Variants in DCHS2 observed in about 807,000 individuals in gnomAD.
The protein encoded by DCHS2 is protocadherin-23.
DCHS2 carries 142 observed loss-of-function variants against 182.4 expected under a neutral mutation model. The ratio of observed to expected loss-of-function variants is 0.78; its 90% CI spans 0.68 to 0.89. The LOEUF is 0.89. Ranked by LOEUF, DCHS2 falls within the 40% of genes least tolerant of loss-of-function variation. The pLI is 0.00. For synonymous variants in DCHS2, 1,740 were observed against 1,663.3 expected (o/e 1.05, Z -1.12); for missense variants, 4,319 against 4,198.6 (o/e 1.03, Z -0.79).
intron 10 of DCHS2, among the ~76,000 whole-genome samples, chr4:154,311,145 TAAA>T (rs2111314511): frequency 6.6e-6 from 1 of 152,330 alleles, no homozygotes; most frequent in South Asian, 2.1e-4. Context: ...CTAAAAGGGA[TAAA>T]ATTTTATCCT....
Position 154,489,416 on chromosome 4 carries a change from C to T in DCHS2, c.1940G>A (p.Cys647Tyr). ...DLGEPPLSAT[C>Y]LVSITVDDVN... is the part of the protein sequence containing the mutation. Reference sequence around the variant, plus strand: ...ATCATCTACGGTGATGCTCACCAGGCAGGTGGCAGAGAGTGGGGGCTCTCC... The same window carrying T: ...ATCATCTACGGTGATGCTCACCAGGTAGGTGGCAGAGAGTGGGGGCTCTCC... The change falls in exon 1 of 20, where the codon TGC becomes TAC. Residue 647 changes from cysteine to tyrosine, a missense_variant. By Grantham distance (194) the Cys-to-Tyr change is radical. Coordinates refer to ENST00000357232, the MANE Select transcript of DCHS2 (RefSeq NM_001358235.2). 1 of 1,551,752 alleles carries T rather than the reference C, an allele frequency of 6.4e-7. No homozygotes were observed.
At chr4:154,403,418 T>A (rs115436565) in intron 1 of DCHS2, among the ~76,000 whole-genome samples, 1 of 152,184 alleles carries the variant, frequency 6.6e-6, no homozygotes, top group Non-Finnish European at 1.5e-5. Context: ...ATTATATAAA[T>A]TTTTCTCTTT....
chr4:154,459,743 TC>T (rs1282851787), intron 1 of DCHS2, among the ~76,000 whole-genome samples: 4 of 9,598 alleles, frequency 4.2e-4, no homozygotes, highest in African/African-American at 4.9e-4. Flanking sequence ...ATTCTCTCTC[TC>T]TCTCTCTCTC....
intron 3 of DCHS2, among the ~76,000 whole-genome samples, chr4:154,365,732 C>T (rs1730319153): frequency 6.6e-6 from 1 of 152,106 alleles, no homozygotes; most frequent in African/African-American, 2.4e-5. Context: ...TCACTGCAAC[C>T]TCGGTTTCCC....
intron 3 of DCHS2, among the ~76,000 whole-genome samples, chr4:154,348,945 T>C (rs1477410047): frequency 6.6e-6 from 1 of 151,986 alleles, no homozygotes; most frequent in Non-Finnish European, 1.5e-5. Flanking sequence ...CACTTTCTCA[T>C]TACGTTTATG....
chr4:154,239,276 C>G lies in DCHS2; in HGVS notation c.7386G>C (p.Val2462=). The G allele has an allele frequency of 6.2e-7, 1 of 1,613,122 alleles. No homozygotes were observed. Among genetic ancestry groups the G allele is most frequent in the East Asian group, 2.2e-5 (1 of 44,754 alleles). ...YQVTVPESIP[V]GYSVLTLSAT... ...CTGACAGAGTCAGCACTGAATACCC[C>G]ACAGGTATTGATTCAGGAACTGTGA... is the stretch of plus-strand genomic sequence containing the variant. The change falls in exon 19 of 20, where the codon GTG becomes GTC. Residue 2462 remains valine, a synonymous_variant. Coordinates refer to ENST00000357232, the MANE Select transcript of DCHS2 (RefSeq NM_001358235.2).
intron 1 of DCHS2, among the ~76,000 whole-genome samples, chr4:154,401,063 C>G (rs1732156349): frequency 6.6e-6 from 1 of 152,204 alleles, no homozygotes; most frequent in Non-Finnish European, 1.5e-5. Flanking sequence ...TGTTCCTCCT[C>G]CCAGTCACTC....
rs1446334339 is a variant in DCHS2, at chr4:154,233,756, A to C, written c.*780T>G. ...TCTGTTTGTAAAGAAGGCCAAGATA[A>C]TATGTTTCAGGTGGTAGCAAACCAC... On this transcript the variant is annotated 3_prime_UTR_variant, in exon 20 of 20. Transcript: ENST00000357232. 6.6e-6 allele frequency: 1 copy of C among 152,164 alleles called. No homozygotes were observed. 9.4% of individuals were successfully genotyped at this position (152,164 alleles called of 1,614,324 possible).
Position 154,255,773 on chromosome 4 carries a change from C to G in DCHS2, c.6790-103G>C, listed in dbSNP as rs113119087. The G allele has an allele frequency of 3.6e-3, 5,104 of 1,400,658 alleles. 14 individuals carry two copies. The highest frequency in any genetic ancestry group is 5.4e-3 in the Admixed American group (174 of 32,018). 86.8% of individuals were successfully genotyped at this position (1,400,658 alleles called of 1,614,324 possible). A position where few individuals can be genotyped will look rare whatever the true frequency, so the allele number is the denominator to read the frequency against. The stretch of plus-strand genomic sequence containing the variant: ...TAAGAAAGAATCACAGCTTGTCAAA[C>G]ATATTTTAAAAACAACGATGAAATG... On this transcript the variant is annotated intron_variant, in intron 15 of 19. Transcript: ENST00000357232.
chr4:154,267,046 A>T (rs999270725), intron 14 of DCHS2, among the ~76,000 whole-genome samples: 25 of 152,234 alleles, frequency 1.6e-4, no homozygotes, highest in African/African-American at 5.8e-4. Flanking sequence ...AAGCCATTAA[A>T]ATCATTCATG....
At chr4:154,418,976 A>G (rs1397533678) in intron 1 of DCHS2, among the ~76,000 whole-genome samples, 4 of 152,222 alleles carry the variant, frequency 2.6e-5, no homozygotes. Context: ...TTGACATTTT[A>G]AAAGAAAAAA....
intron 1 of DCHS2, among the ~76,000 whole-genome samples, chr4:154,393,197 G>T (rs1163414466): frequency 6.6e-6 from 1 of 152,158 alleles, no homozygotes; most frequent in Non-Finnish European, 1.5e-5. Context: ...CCTAGGAAAT[G>T]TTTTCAGCCC....
intron 3 of DCHS2, among the ~76,000 whole-genome samples, chr4:154,362,897 C>T (rs1462783337): frequency 6.6e-6 from 1 of 152,064 alleles, no homozygotes; most frequent in Non-Finnish European, 1.5e-5. Context: ...GTATATAATA[C>T]ATAAAACACA....
Position 154,408,526 on chromosome 4 carries a change from G to T in DCHS2, c.2053-31082C>A, listed in dbSNP as rs887575403. Among the ~76,000 whole-genome samples the T allele has an allele frequency of 9.9e-5, 15 of 152,086 alleles. No homozygotes were observed. The Middle Eastern group carries it at 0.014, about 138-fold the overall frequency. ...TAATAGTTTAAAGTTAAAAAGGAAA[G>T]ATTTAAGAATTATGAGAGGAAAGGT... is the stretch of plus-strand genomic sequence containing the variant. On this transcript the variant is annotated intron_variant, in intron 1 of 19. Coordinates refer to ENST00000357232, the MANE Select transcript of DCHS2 (RefSeq NM_001358235.2).
chr4:154,428,729 C>T (rs1056280411), intron 1 of DCHS2, among the ~76,000 whole-genome samples: 4 of 151,576 alleles, frequency 2.6e-5, no homozygotes, highest in African/African-American at 7.3e-5. Context: ...GGTGAAACAC[C>T]GTCTCTACTA....
At chr4:154,398,764 A>C (rs1201186990) in intron 1 of DCHS2, among the ~76,000 whole-genome samples, 1 of 152,210 alleles carries the variant, frequency 6.6e-6, no homozygotes, top group Admixed American at 6.5e-5. Context: ...CACATTTACT[A>C]TATAAAGAGA....
chr4:154,257,940 C>T (rs1180535848), intron 15 of DCHS2, among the ~76,000 whole-genome samples: 2 of 152,208 alleles, frequency 1.3e-5, no homozygotes, highest in African/African-American at 4.8e-5. Context: ...ACTTATTTCA[C>T]ACTGAGCAAT....
intron 1 of DCHS2, among the ~76,000 whole-genome samples, chr4:154,393,393 C>T (rs997923120): frequency 6.6e-6 from 1 of 152,102 alleles, no homozygotes; most frequent in African/African-American, 2.4e-5. Context: ...AAAAAATGGG[C>T]TTCATATTTT....
chr4:154,322,185 GT>G, intron 8 of DCHS2, 145 bp downstream of exon 8: 1 of 1,185,706 alleles, frequency 8.4e-7, no homozygotes, highest in East Asian at 2.6e-5. Flanking sequence ...AGTATGCTAT[GT>G]GCAATGCTCT....
Sources: allele counts gnomAD v4.1 joint callset (sites outside exome capture counted in the v4.1 genomes callset), GRCh38; gene constraint gnomAD v4.1.1; transcripts MANE v1.5; gene names NCBI Gene and HGNC (gene_info 2026-07-23, HGNC 2026-07-21).